Variants in DLG2 observed in about 807,000 individuals in gnomAD.
DLG2 encodes discs large MAGUK scaffold protein 2, also known as disks large homolog 2.
DLG2 carries 45 observed loss-of-function variants against 132.5 expected under a neutral mutation model. That is an observed-to-expected ratio of 0.34 (90% CI 0.27 to 0.44). DLG2 has a LOEUF of 0.44. Ranked by LOEUF, DLG2 falls within the 20% of genes least tolerant of loss-of-function variation. The pLI, the probability that DLG2 is intolerant of heterozygous loss-of-function variation, is 1.00. For synonymous variants in DLG2, 424 were observed against 419.6 expected, an observed-to-expected ratio of 1.01 and a Z score of -0.13; for missense variants, 1,045 against 1,196.9, an observed-to-expected ratio of 0.87 and a Z score of 1.87.
At chr11:85,372,431 C>T (rs1217275542) in intron 3 of DLG2, among the ~76,000 whole-genome samples, 2 of 152,170 alleles carry the variant, frequency 1.3e-5, no homozygotes, top group Admixed American at 1.3e-4. Context: ...CCATGCAACC[C>T]CCCTGAGATA....
chr11:85,627,865 G>C (rs1192611234), upstream of DLG2: 1 of 152,656 alleles, frequency 6.6e-6, no homozygotes, highest in Non-Finnish European at 1.5e-5. Context: ...TTTGGCTTCT[G>C]TAAGACATGG....
rs575476232 is a variant in DLG2, at chr11:83,622,198, G to C, written c.1940+11013C>G. 5.9e-4 allele frequency among the ~76,000 whole-genome samples: 90 copies of C among 152,254 alleles called. No individual in the cohort carries two copies. In the Middle Eastern group the frequency reaches 0.01, roughly 17 times the overall value. ...CCACCCCAGCCTCCCAAAGTGCTGC[G>C]ATTACAGGTGTGAGCCACCATGCCC... On this transcript the variant is annotated intron_variant, in intron 19 of 27. Coordinates refer to ENST00000376104, the MANE Select transcript of DLG2 (RefSeq NM_001142699.3).
chr11:84,772,834 T>C (rs553242960), intron 6 of DLG2, among the ~76,000 whole-genome samples: 1 of 151,960 alleles, frequency 6.6e-6, no homozygotes, highest in South Asian at 2.1e-4. Context: ...AAGTCCTACA[T>C]CAAATATTAT....
chr11:84,661,113 G>T (rs2099694001), intron 6 of DLG2, among the ~76,000 whole-genome samples: 1 of 152,120 alleles, frequency 6.6e-6, no homozygotes, highest in Admixed American at 6.6e-5. Flanking sequence ...CTCTCTCCAG[G>T]TAAAGTCACC....
chr11:83,827,462 T>C (rs2053198941), intron 17 of DLG2, among the ~76,000 whole-genome samples: 1 of 152,164 alleles, frequency 6.6e-6, no homozygotes, highest in African/African-American at 2.4e-5. Flanking sequence ...AACAATGCAA[T>C]TTAAATTCTA....
At chr11:85,203,135 CA>C (rs977339440) in intron 4 of DLG2, among the ~76,000 whole-genome samples, 15 of 150,532 alleles carry the variant, frequency 1.0e-4, no homozygotes, top group African/African-American at 3.4e-4. Context: ...CTTTTAATGG[CA>C]AAAAAAGCAT....
intron 4 of DLG2, among the ~76,000 whole-genome samples, chr11:85,193,994 A>T (rs955454127): frequency 1.3e-5 from 2 of 152,334 alleles, no homozygotes; most frequent in Non-Finnish European, 2.9e-5. Flanking sequence ...TCAGGGATGG[A>T]AAAAATTAGT....
intron 6 of DLG2, among the ~76,000 whole-genome samples, chr11:84,946,190 C>G (rs578017131): frequency 2.8e-4 from 42 of 152,274 alleles, no homozygotes; most frequent in African/African-American, 9.4e-4. Context: ...CAGGGGTCCA[C>G]TTAGTGCTCT....
At chr11:83,841,562 C>T (rs1465370268) in intron 16 of DLG2, among the ~76,000 whole-genome samples, 1 of 152,104 alleles carries the variant, frequency 6.6e-6, no homozygotes, top group Non-Finnish European at 1.5e-5. Context: ...TATTTGACTC[C>T]CTTTCTAGCT....
intron 16 of DLG2, among the ~76,000 whole-genome samples, chr11:83,840,689 G>A (rs1042479778): frequency 1.3e-5 from 2 of 152,124 alleles, no homozygotes; most frequent in Non-Finnish European, 2.9e-5. Flanking sequence ...TATGACAATG[G>A]TTAAAAAAGG....
intron 6 of DLG2, among the ~76,000 whole-genome samples, chr11:84,877,899 G>A (rs1377157618): frequency 6.6e-6 from 1 of 152,060 alleles, no homozygotes; most frequent in African/African-American, 2.4e-5. Context: ...AAAAGTGGGA[G>A]AAGAATATAA....
chr11:84,845,665 A>C (rs1599608753), intron 6 of DLG2, among the ~76,000 whole-genome samples: 1 of 148,568 alleles, frequency 6.7e-6, no homozygotes, highest in African/African-American at 2.5e-5. Context: ...CTTCATTTGA[A>C]TTCTGTGATC....
intron 19 of DLG2, among the ~76,000 whole-genome samples, chr11:83,579,995 A>G (rs904605567): frequency 1.3e-5 from 2 of 151,746 alleles, no homozygotes. Context: ...ATAAATAAAT[A>G]ATAAATAATA....
Position 84,859,529 on chromosome 11 carries a change from T to C in DLG2, c.357+252132A>G, listed in dbSNP as rs17808637. 6.7e-3 allele frequency among the ~76,000 whole-genome samples: 996 copies of C among 149,654 alleles called. 14 individuals are homozygous for C. The highest frequency in any genetic ancestry group is 0.011 in the Non-Finnish European group (775 of 67,430). On this transcript the variant is annotated intron_variant, in intron 6 of 27. Coordinates refer to ENST00000376104, the MANE Select transcript of DLG2 (RefSeq NM_001142699.3). ...TAAACTTATATTGAAAAAGTCAAAA[T>C]ATGTTATAACCAACATACTAAAATA...
chr11:85,405,267 C>T (rs946016434), intron 3 of DLG2, among the ~76,000 whole-genome samples: 6 of 151,858 alleles, frequency 4.0e-5, no homozygotes, highest in African/African-American at 1.5e-4. Flanking sequence ...GTGAGCCTAA[C>T]TTGTATGAAG....
intron 6 of DLG2, among the ~76,000 whole-genome samples, chr11:84,975,069 G>A (rs2054683704): frequency 6.6e-6 from 1 of 152,104 alleles, no homozygotes; most frequent in African/African-American, 2.4e-5. Flanking sequence ...TTCTACTTCT[G>A]GGCACTTTCA....
intron 7 of DLG2, among the ~76,000 whole-genome samples, chr11:84,346,291 T>A (rs181233901): frequency 8.5e-5 from 13 of 152,360 alleles, no homozygotes; most frequent in Admixed American, 5.9e-4. Flanking sequence ...TATTTATTTA[T>A]AGGTCTTCCC....
At chr11:84,575,240 C>A (rs2099496493) in intron 6 of DLG2, among the ~76,000 whole-genome samples, 1 of 152,132 alleles carries the variant, frequency 6.6e-6, no homozygotes, top group African/African-American at 2.4e-5. Context: ...GATCTTACCT[C>A]TCCACATTTC....
At position 84,496,185 on chromosome 11, in the gene DLG2, G is replaced by A. The variant is rs138521680; in HGVS notation, c.519+38385C>T. Among the ~76,000 whole-genome samples, 330 of 152,242 alleles carry A rather than the reference G, an allele frequency of 2.2e-3. 2 individuals carry two copies. Among genetic ancestry groups the A allele is most frequent in the Non-Finnish European group, 2.3e-3 (158 of 67,992 alleles). On this transcript the variant is annotated intron_variant, in intron 7 of 27. Coordinates refer to ENST00000376104, the MANE Select transcript of DLG2 (RefSeq NM_001142699.3). ...TCAAAGTTCAGAATGTACCACCATC[G>A]TGAACCTCAAAGTTAATTATCTTTT...
Sources: allele counts gnomAD v4.1 joint callset (sites outside exome capture counted in the v4.1 genomes callset), GRCh38; gene constraint gnomAD v4.1.1; transcripts MANE v1.5; gene names NCBI Gene and HGNC (gene_info 2026-07-23, HGNC 2026-07-21).